The following CHST8 variants were observed in gnomAD, a reference collection of about 807,000 sequenced individuals.
The protein encoded by CHST8 is GALNAC-4-ST1.
CHST8 carries 10 observed loss-of-function variants against 15.0 expected under a neutral mutation model. The ratio of observed to expected loss-of-function variants is 0.67; its 90% confidence interval spans 0.41 to 1.13. The LOEUF (loss-of-function observed/expected upper bound fraction) is 1.13, where lower values mean the gene tolerates loss of function less well. Among genes scored for constraint, CHST8 ranks in the 50% most tolerant of loss-of-function variants. The pLI, the probability that CHST8 is intolerant of heterozygous loss-of-function variation, is 0.00. For synonymous variants in CHST8, 259 were observed against 256.6 expected, an observed-to-expected ratio of 1.01 and a Z score of -0.09; for missense variants, 634 against 608.2, an observed-to-expected ratio of 1.04 and a Z score of -0.45.
chr19:33,674,956 A>G (rs560368737), intron 2 of CHST8, among the ~76,000 whole-genome samples: 1 of 152,340 alleles, frequency 6.6e-6, no homozygotes, highest in Admixed American at 6.5e-5. Flanking sequence ...TGAAATGAGT[A>G]TACGTGTGTG....
intron 3 of CHST8, among the ~76,000 whole-genome samples, chr19:33,730,168 TTA>T (rs1432013985): frequency 1.3e-5 from 2 of 152,190 alleles, no homozygotes; most frequent in African/African-American, 4.8e-5. Flanking sequence ...TGATGCTTAA[TTA>T]TAACTATATT....
rs758972939 is a variant in CHST8 at position 33,772,231 on chromosome 19, G to C, written c.443G>C (p.Ser148Thr). Reference sequence around the variant, plus strand: ...GGGACGCTGGATGGCCGCTGGGTCAGCCTGCACCGGAGCCAGCAGGAGCGC... The same window carrying C: ...GGGACGCTGGATGGCCGCTGGGTCACCCTGCACCGGAGCCAGCAGGAGCGC... ...GPGTLDGRWV[S>T]LHRSQQERKR... Residue 148 changes from serine (S) to threonine (T), a missense_variant, in exon 5 of 5, where the codon AGC (serine) becomes ACC (threonine). Coordinates refer to ENST00000650847, the MANE Select transcript of CHST8 (RefSeq NM_001127895.2). 6.3e-7 allele frequency: 1 copy of C among 1,597,216 alleles called. No homozygotes were observed. Among genetic ancestry groups the C allele is most frequent in the Non-Finnish European group, 8.5e-7 (1 of 1,176,468 alleles).
At chr19:33,648,193 C>G (rs116056221) in intron 1 of CHST8, among the ~76,000 whole-genome samples, 3 of 152,000 alleles carry the variant, frequency 2.0e-5, no homozygotes, top group Non-Finnish European at 4.4e-5. Flanking sequence ...AGTCCTCTCT[C>G]TCTCTCTCCT....
At chr19:33,675,548 C>T (rs767539534) in intron 2 of CHST8, among the ~76,000 whole-genome samples, 2 of 152,236 alleles carry the variant, frequency 1.3e-5, no homozygotes, top group Admixed American at 6.5e-5. Context: ...AATGCGTGGT[C>T]TCACACTGCA....
At chr19:33,739,650 G>A (rs1974150204) in intron 3 of CHST8, among the ~76,000 whole-genome samples, 1 of 152,184 alleles carries the variant, frequency 6.6e-6, no homozygotes. Context: ...TGTGTTGAAT[G>A]GAATTCAAGG....
chr19:33,716,838 G>C (rs569169877), intron 3 of CHST8, among the ~76,000 whole-genome samples: 212 of 152,282 alleles, frequency 1.4e-3, no homozygotes, highest in Non-Finnish European at 1.5e-3. Context: ...CACAGTCCTG[G>C]AGGCCAGGAG....
chr19:33,724,122 G>A (rs1568343483), intron 3 of CHST8, among the ~76,000 whole-genome samples: 1 of 152,170 alleles, frequency 6.6e-6, no homozygotes, highest in African/African-American at 2.4e-5. Flanking sequence ...GCCCCACATG[G>A]GTGCTGTGCA....
At chr19:33,634,861 C>T (rs1044325316) in intron 1 of CHST8, among the ~76,000 whole-genome samples, 6 of 152,202 alleles carry the variant, frequency 3.9e-5, no homozygotes, top group African/African-American at 1.2e-4. Context: ...AACTGGGCTG[C>T]CGTGGTGAGG....
chr19:33,733,232 C>CT (rs34651897), intron 3 of CHST8, among the ~76,000 whole-genome samples: 20,415 of 125,592 alleles, frequency 0.16, 2,267 homozygotes, highest in African/African-American at 0.28. Context: ...CAGATATATT[C>CT]TTTTTTTTTT....
chr19:33,691,559 A>G (rs1488989536), intron 3 of CHST8, among the ~76,000 whole-genome samples: 1 of 149,792 alleles, frequency 6.7e-6, no homozygotes, highest in South Asian at 2.2e-4. Flanking sequence ...GTACCAAGAA[A>G]GCAATATCAA....
intron 3 of CHST8, among the ~76,000 whole-genome samples, chr19:33,763,525 C>T (rs1332077392): frequency 3.9e-5 from 6 of 152,222 alleles, no homozygotes; most frequent in Non-Finnish European, 8.8e-5. Context: ...GTACCTGTCC[C>T]GTGTCCTAGG....
At chr19:33,661,254 G>T (rs981373106) in intron 1 of CHST8, among the ~76,000 whole-genome samples, 1 of 152,226 alleles carries the variant, frequency 6.6e-6, no homozygotes, top group African/African-American at 2.4e-5. Context: ...AGGAGAGCAG[G>T]TTACGGATGC....
rs748705602 is a variant in CHST8, at chr19:33,695,801, T to TTTTCTTTC, written c.130+6426_130+6433dup. On this transcript the variant is annotated intron_variant, in intron 3 of 4. Transcript: ENST00000650847. Reference sequence around the variant, plus strand: ...ATGGTGTATATATACCACATTTTCTTTTTCTTTCTTTCTTTCTTTCTTTTT... The same window carrying TTTTCTTTC: ...ATGGTGTATATATACCACATTTTCTTTTTCTTTCTTTCTTTCTTTCTTTCTTTCTTTTT... Among the ~76,000 whole-genome samples the TTTTCTTTC allele has an allele frequency of 6.5e-3, 841 of 130,290 alleles. 23 individuals carry two copies. The highest frequency in any genetic ancestry group is 8.2e-3 in the African/African-American group (260 of 31,830). The allele number at this position is 130,290 out of a possible 152,430, so 85.5% of individuals were successfully genotyped here.
intron 3 of CHST8, among the ~76,000 whole-genome samples, chr19:33,737,752 A>G (rs1974113578): frequency 6.6e-6 from 1 of 152,060 alleles, no homozygotes. Flanking sequence ...AGCTTCCCCC[A>G]GCCTTCTCCA....
chr19:33,715,777 A>G (rs1289910023), intron 3 of CHST8, among the ~76,000 whole-genome samples: 2 of 152,084 alleles, frequency 1.3e-5, no homozygotes, highest in Non-Finnish European at 2.9e-5. Context: ...CCATCCATTC[A>G]TCCATCTGTT....
intron 3 of CHST8, among the ~76,000 whole-genome samples, chr19:33,697,354 TGAGTA>T (rs1973237991): frequency 6.6e-6 from 1 of 152,044 alleles, no homozygotes; most frequent in Non-Finnish European, 1.5e-5. Context: ...CTCAGCCTCC[TGAGTA>T]GCTGGGACCA....
chr19:33,683,945 A>G (rs746301293), intron 2 of CHST8, among the ~76,000 whole-genome samples: 1 of 152,190 alleles, frequency 6.6e-6, no homozygotes, highest in Non-Finnish European at 1.5e-5. Context: ...TACATGCAGA[A>G]TGACTGTCCC....
intron 3 of CHST8, among the ~76,000 whole-genome samples, chr19:33,706,800 T>C (rs957761173): frequency 2.6e-5 from 4 of 152,210 alleles, no homozygotes; most frequent in Non-Finnish European, 2.9e-5. Context: ...TTAAATCAAC[T>C]GTGCGCGTCA....
At chr19:33,767,252 C>T (rs2145390457) in intron 3 of CHST8, among the ~76,000 whole-genome samples, 1 of 152,334 alleles carries the variant, frequency 6.6e-6, no homozygotes, top group East Asian at 1.9e-4. Context: ...AAAGGCTGCT[C>T]CCCAGTTACC....
Sources: gnomAD v4.1 joint callset for allele counts (sites outside exome capture counted in the v4.1 genomes callset) on GRCh38, gnomAD v4.1.1 for gene constraint, MANE v1.5 for transcripts, NCBI Gene and HGNC (gene_info 2026-07-23, HGNC 2026-07-21) for gene names.